AMOTL1: variants seen among roughly 807,000 people sequenced by gnomAD.
AMOTL1 encodes angiomotin-like protein 1.
A neutral mutation model predicts 102.9 loss-of-function variants in AMOTL1; 45 were observed. The observed-to-expected ratio is 0.44, with a 90% CI of 0.34 to 0.56. The LOEUF (loss-of-function observed/expected upper bound fraction) is 0.56, where lower values mean the gene tolerates loss of function less well. AMOTL1 is among the 20% of genes least tolerant of loss of function. The probability of loss-of-function intolerance (pLI) is 0.01; values close to 1 mark genes in which losing one functional copy is unlikely to be tolerated. For missense variants in AMOTL1, 1,114 were observed against 1,225.6 expected, an observed-to-expected ratio of 0.91 and a Z score of 1.36; for synonymous variants, 481 against 484.7, an observed-to-expected ratio of 0.99 and a Z score of 0.10.
chr11:94,765,098 G>A (rs1950840121), upstream of AMOTL1, among the ~76,000 whole-genome samples: 1 of 152,156 alleles, frequency 6.6e-6, no homozygotes, highest in Non-Finnish European at 1.5e-5. Context: ...GTCCTGTTTT[G>A]AGTGAAAGAC....
At chr11:94,781,750 G>A (rs1268138276) in intron 1 of AMOTL1, among the ~76,000 whole-genome samples, 2 of 151,954 alleles carry the variant, frequency 1.3e-5, no homozygotes, top group African/African-American at 4.8e-5. Context: ...CAGGAGAATC[G>A]CTTGAACCTG....
intron 1 of AMOTL1, among the ~76,000 whole-genome samples, chr11:94,772,645 C>T (rs573999058): frequency 2.0e-5 from 3 of 152,212 alleles, no homozygotes; most frequent in Admixed American, 2.0e-4. Context: ...CAGTTCATGA[C>T]TATTTCACAT....
At chr11:94,747,886 A>G (rs1950608487) in intron 3 of AMOTL1, among the ~76,000 whole-genome samples, 1 of 152,190 alleles carries the variant, frequency 6.6e-6, no homozygotes, top group African/African-American at 2.4e-5. Context: ...CCTGGAGGCA[A>G]AATACTCACT....
In AMOTL1 at chr11:94,872,152, A is replaced by C. The variant is rs1953010688; in HGVS notation, c.*1357A>C. On this transcript the variant is annotated 3_prime_UTR_variant, in exon 13 of 13. Transcript: ENST00000433060. ...TCAAAGTGAGACAGAAGTGCCACGGAAAAGAGGCAGGAGTGTGTTAGGTGG... is the reference window on the plus strand; with the variant it reads ...TCAAAGTGAGACAGAAGTGCCACGGCAAAGAGGCAGGAGTGTGTTAGGTGG... 1.3e-5 allele frequency: 2 copies of C among 152,140 alleles called. No individual in the cohort carries two copies. The highest frequency in any genetic ancestry group is 2.9e-5 in the Non-Finnish European group (2 of 68,074). 9.4% of individuals were successfully genotyped at this position (152,140 alleles called of 1,614,324 possible). A position where few individuals can be genotyped will look rare whatever the true frequency, so the allele number is the denominator to read the frequency against.
chr11:94,851,127 G>A (rs1043051377), intron 7 of AMOTL1, among the ~76,000 whole-genome samples: 4 of 152,084 alleles, frequency 2.6e-5, no homozygotes, highest in Admixed American at 6.6e-5. Context: ...ATAAGGCTCC[G>A]GGGCAACAGC....
upstream of AMOTL1, among the ~76,000 whole-genome samples, chr11:94,763,880 C>G (rs1238130579): frequency 6.6e-6 from 1 of 152,010 alleles, no homozygotes; most frequent in African/African-American, 2.4e-5. Flanking sequence ...CAAGGGTCTG[C>G]TGTATTGCCA....
intron 1 of AMOTL1, among the ~76,000 whole-genome samples, chr11:94,782,470 A>G (rs1194542686): frequency 2.0e-5 from 3 of 152,224 alleles, no homozygotes; most frequent in African/African-American, 7.2e-5. Flanking sequence ...GAAGATCTCT[A>G]TAATTCATTG....
chr11:94,800,413 CT>C (rs1215743673), intron 3 of AMOTL1, 102 bp downstream of exon 3: 5 of 1,300,702 alleles, frequency 3.8e-6, no homozygotes, highest in Non-Finnish European at 5.2e-6. Context: ...TGTCATCAGG[CT>C]TTTTTCCTTA....
At chr11:94,737,712 C>A (rs1044152641) in intron 2 of AMOTL1, among the ~76,000 whole-genome samples, 3 of 152,184 alleles carry the variant, frequency 2.0e-5, no homozygotes, top group Non-Finnish European at 4.4e-5. Context: ...TGCAGACAGC[C>A]CATCTGAGCC....
At chr11:94,817,778 A>G (rs1305353148) in intron 3 of AMOTL1, among the ~76,000 whole-genome samples, 1 of 152,232 alleles carries the variant, frequency 6.6e-6, no homozygotes, top group African/African-American at 2.4e-5. Flanking sequence ...ACTAGAATAG[A>G]GGAAAAACTT....
At chr11:94,833,269 A>T (rs957740110) in intron 6 of AMOTL1, among the ~76,000 whole-genome samples, 2 of 152,214 alleles carry the variant, frequency 1.3e-5, no homozygotes, top group Admixed American at 1.3e-4. Context: ...TCTTACACCT[A>T]ATCTTTGCAG....
At chr11:94,858,482 G>C (rs185309039) in intron 8 of AMOTL1, among the ~76,000 whole-genome samples, 2 of 152,224 alleles carry the variant, frequency 1.3e-5, no homozygotes, top group Non-Finnish European at 2.9e-5. Flanking sequence ...TGTTGCTCTG[G>C]GTAATTCCCC....
chr11:94,820,844 G>A (rs987746957), intron 3 of AMOTL1, among the ~76,000 whole-genome samples: 3 of 152,166 alleles, frequency 2.0e-5, no homozygotes, highest in African/African-American at 4.8e-5. Flanking sequence ...TAGGGTTCAA[G>A]CTCCTATGAG....
intron 9 of AMOTL1, among the ~76,000 whole-genome samples, 172 bp from the exon 10 acceptor site, chr11:94,864,563 G>C (rs1952839196): frequency 6.6e-6 from 1 of 152,182 alleles, no homozygotes; most frequent in Non-Finnish European, 1.5e-5. Context: ...CATCAGATGA[G>C]ATTGATAACT....
At chr11:94,748,953 A>C (rs568776932) in intron 3 of AMOTL1, among the ~76,000 whole-genome samples, 7 of 152,204 alleles carry the variant, frequency 4.6e-5, no homozygotes, top group Non-Finnish European at 4.4e-5. Flanking sequence ...GTCTTGCTGG[A>C]TTCTGATAAC....
At chr11:94,771,161 A>G (rs1478703481) in intron 1 of AMOTL1, among the ~76,000 whole-genome samples, 1 of 151,480 alleles carries the variant, frequency 6.6e-6, no homozygotes, top group Non-Finnish European at 1.5e-5. Context: ...CAGGCCAATA[A>G]ATTAAAAAGA....
chr11:94,827,244 C>A (rs1213152086), intron 4 of AMOTL1, among the ~76,000 whole-genome samples: 1 of 152,110 alleles, frequency 6.6e-6, no homozygotes, highest in Non-Finnish European at 1.5e-5. Flanking sequence ...ACTATAAAAT[C>A]AGACCAAGAG....
chr11:94,812,096 G>C (rs1951692950), intron 3 of AMOTL1, among the ~76,000 whole-genome samples: 1 of 152,198 alleles, frequency 6.6e-6, no homozygotes, highest in African/African-American at 2.4e-5. Context: ...CCAGGCCTCA[G>C]CAAATTGTCC....
intron 3 of AMOTL1, among the ~76,000 whole-genome samples, chr11:94,803,919 A>G (rs1951524054): frequency 6.6e-6 from 1 of 152,226 alleles, no homozygotes; most frequent in Admixed American, 6.5e-5. Context: ...TCACATTATA[A>G]TGATAAATTA....
Sources: allele counts gnomAD v4.1 joint callset (sites outside exome capture counted in the v4.1 genomes callset), GRCh38; gene constraint gnomAD v4.1.1; transcripts MANE v1.5; gene names NCBI Gene and HGNC (gene_info 2026-07-23, HGNC 2026-07-21).